Variants in KSR2 observed in about 807,000 individuals in gnomAD.
KSR2 encodes the protein kinase suppressor of ras 2.
A neutral mutation model predicts 107.8 loss-of-function variants in KSR2; 25 were observed. That is an observed-to-expected ratio of 0.23 (90% CI 0.17 to 0.32). The LOEUF (loss-of-function observed/expected upper bound fraction) is 0.32, where lower values mean the gene tolerates loss of function less well. Among genes scored for constraint, KSR2 ranks in the 10% least tolerant of loss-of-function variants. The pLI is 1.00. For missense variants in KSR2, 887 were observed against 1,268.9 expected (o/e 0.70, Z 4.57); for synonymous variants, 480 against 507.0 (o/e 0.95, Z 0.71).
intron 6 of KSR2, among the ~76,000 whole-genome samples, chr12:117,580,060 T>C (rs547217724): frequency 1.3e-5 from 2 of 152,296 alleles, no homozygotes; most frequent in African/African-American, 4.8e-5. Context: ...GCAGGAGTTA[T>C]ATCTAATCTC....
At chr12:117,937,860 C>T (rs887841471) in intron 1 of KSR2, among the ~76,000 whole-genome samples, 1 of 150,236 alleles carries the variant, frequency 6.7e-6, no homozygotes, top group Non-Finnish European at 1.5e-5. Context: ...ATCCCAGCTA[C>T]TCGGGAGGCT....
chr12:117,892,695 G>A (rs2137362579), intron 1 of KSR2, among the ~76,000 whole-genome samples: 1 of 146,912 alleles, frequency 6.8e-6, no homozygotes, highest in South Asian at 2.2e-4. Flanking sequence ...GCAGAGCTAA[G>A]TAGTTGCCAC....
intron 1 of KSR2, among the ~76,000 whole-genome samples, chr12:117,961,701 A>T (rs1190773126): frequency 2.6e-5 from 4 of 152,332 alleles, no homozygotes; most frequent in Non-Finnish European, 4.4e-5. Context: ...CTCAGGCAAG[A>T]CCAGCAGAAC....
chr12:117,759,485 C>T (rs183058754), intron 4 of KSR2, among the ~76,000 whole-genome samples: 7 of 152,310 alleles, frequency 4.6e-5, no homozygotes, highest in Admixed American at 4.6e-4. Flanking sequence ...ATAAAATATA[C>T]ATAATATAAA....
At chr12:117,715,762 TACCCATCC>T (rs1441058521) in intron 4 of KSR2, among the ~76,000 whole-genome samples, 2 of 152,186 alleles carry the variant, frequency 1.3e-5, no homozygotes, top group African/African-American at 4.8e-5. Flanking sequence ...TAACTCTATC[TACCCATCC>T]ACCCATCCAT....
intron 1 of KSR2, among the ~76,000 whole-genome samples, chr12:117,912,023 A>G (rs558169455): frequency 6.6e-6 from 1 of 152,354 alleles, no homozygotes; most frequent in East Asian, 1.9e-4. Context: ...AAGTGAAAAC[A>G]TTGAAAACAT....
chr12:117,894,169 A>C (rs113041631), intron 1 of KSR2, among the ~76,000 whole-genome samples: 3,498 of 151,822 alleles, frequency 0.023, 130 homozygotes, highest in African/African-American at 0.08. Context: ...TCGGCCTCCC[A>C]AAGTGCTGGG....
At chr12:117,849,170 C>A (rs1267758327) in intron 3 of KSR2, among the ~76,000 whole-genome samples, 1 of 152,138 alleles carries the variant, frequency 6.6e-6, no homozygotes, top group Non-Finnish European at 1.5e-5. Context: ...ATATGATGAC[C>A]AGTCCCTCCA....
intron 5 of KSR2, among the ~76,000 whole-genome samples, chr12:117,590,302 C>T (rs1418435626): frequency 4.6e-5 from 7 of 152,200 alleles, no homozygotes; most frequent in African/African-American, 1.7e-4. Context: ...ACAGGAAGGG[C>T]CTCAAGGGCA....
At chr12:117,957,906 G>A (rs1034720481) in intron 1 of KSR2, among the ~76,000 whole-genome samples, 16 of 148,470 alleles carry the variant, frequency 1.1e-4, no homozygotes, top group African/African-American at 3.2e-4. Flanking sequence ...ATCTCAGCTC[G>A]CTGCAACCTG....
chr12:117,478,590 G>T (rs878857316), intron 16 of KSR2, among the ~76,000 whole-genome samples: 19 of 151,702 alleles, frequency 1.3e-4, no homozygotes, highest in Admixed American at 2.6e-4. Flanking sequence ...GTGAGCAACC[G>T]CACCCTGCTA....
At chr12:117,944,368 C>T (rs969319567) in intron 1 of KSR2, among the ~76,000 whole-genome samples, 2 of 152,102 alleles carry the variant, frequency 1.3e-5, no homozygotes, top group Admixed American at 1.3e-4. Context: ...AAGAGCAAAA[C>T]TCCAGTTCAA....
chr12:117,781,757 C>T (rs900144505), intron 3 of KSR2, among the ~76,000 whole-genome samples: 3 of 152,158 alleles, frequency 2.0e-5, no homozygotes, highest in African/African-American at 7.2e-5. Flanking sequence ...ACAAATGAGT[C>T]CCCCTAGCAG....
rs1870768405 is a variant in KSR2, at chr12:117,459,102, C to G, written c.*8097G>C. 2.0e-5 allele frequency: 3 copies of G among 152,204 alleles called. No homozygotes were observed. Among genetic ancestry groups the G allele is most frequent in the Admixed American group, 2.0e-4 (3 of 15,282 alleles). 9.4% of individuals were successfully genotyped at this position (152,204 alleles called of 1,614,324 possible). ...AGAAGATAAATGATTTTTCTCCAAG[C>G]AGGCAGATTACCGAGTAGGATCATA... is the stretch of plus-strand genomic sequence containing the variant. On this transcript the variant is annotated 3_prime_UTR_variant, in exon 20 of 20. Coordinates refer to ENST00000339824, the MANE Select transcript of KSR2 (RefSeq NM_173598.6).
intron 1 of KSR2, among the ~76,000 whole-genome samples, chr12:117,965,007 T>A (rs1896749497): frequency 6.6e-6 from 1 of 152,222 alleles, no homozygotes; most frequent in Admixed American, 6.5e-5. Flanking sequence ...AGGCAATGGA[T>A]CATGATCCAT....
intron 3 of KSR2, among the ~76,000 whole-genome samples, chr12:117,811,652 A>C (rs1891193941): frequency 6.6e-6 from 1 of 152,216 alleles, no homozygotes; most frequent in African/African-American, 2.4e-5. Context: ...TCACAGAGTA[A>C]TTGTAAGAAA....
intron 3 of KSR2, among the ~76,000 whole-genome samples, chr12:117,839,062 CCT>C (rs1247193086): frequency 3.3e-5 from 5 of 152,130 alleles, no homozygotes; most frequent in African/African-American, 9.7e-5. Flanking sequence ...TTGGTCAACC[CCT>C]GTTTTAGAGA....
chr12:117,519,363 T>C (rs1307283139), intron 14 of KSR2, among the ~76,000 whole-genome samples: 1 of 152,190 alleles, frequency 6.6e-6, no homozygotes, highest in African/African-American at 2.4e-5. Flanking sequence ...CAATTGAGCA[T>C]GAACAAGAAT....
At chr12:117,480,024 G>GTGTC (rs1405020014) in intron 16 of KSR2, among the ~76,000 whole-genome samples, 1 of 140,252 alleles carries the variant, frequency 7.1e-6, no homozygotes, top group African/African-American at 3.2e-5. Context: ...CATTACACAT[G>GTGTC]TGTATGTGTG....
Sources: allele counts gnomAD v4.1 joint callset (sites outside exome capture counted in the v4.1 genomes callset), GRCh38; gene constraint gnomAD v4.1.1; transcripts MANE v1.5; gene names NCBI Gene and HGNC (gene_info 2026-07-23, HGNC 2026-07-21).